ELK3: variants seen among roughly 807,000 people sequenced by gnomAD.
ELK3 encodes ETS transcription factor ELK3.
Under a neutral mutation model 28.9 loss-of-function variants are expected in ELK3, and 10 were observed. The observed-to-expected ratio is 0.35, with a 90% CI of 0.21 to 0.59. The LOEUF is 0.59. Among genes scored for constraint, ELK3 ranks in the 20% least tolerant of loss-of-function variants. The pLI is 0.82. For missense variants in ELK3, 463 were observed against 517.3 expected, an observed-to-expected ratio of 0.90 and a Z score of 1.02; for synonymous variants, 272 against 243.5, an observed-to-expected ratio of 1.12 and a Z score of -1.09.
At chr12:96,224,498 A>C (rs536157067) in intron 2 of ELK3, among the ~76,000 whole-genome samples, 1 of 152,352 alleles carries the variant, frequency 6.6e-6, no homozygotes, top group African/African-American at 2.4e-5. Context: ...GGTGCTTGCA[A>C]CTTCATGGGA....
At chr12:96,216,460 C>T (rs17025287) in intron 1 of ELK3, among the ~76,000 whole-genome samples, 3,029 of 152,298 alleles carry the variant, frequency 0.02, 103 homozygotes, top group African/African-American at 0.069. Flanking sequence ...GACTACAAAA[C>T]AGAAGCATAC....
At chr12:96,243,552 G>A (rs559309809) in intron 2 of ELK3, among the ~76,000 whole-genome samples, 112 of 152,028 alleles carry the variant, frequency 7.4e-4, no homozygotes, top group African/African-American at 2.0e-3. Flanking sequence ...GTGAAACCCC[G>A]TCTCTATAAA....
At chr12:96,199,808 A>G (rs184214406) in intron 1 of ELK3, among the ~76,000 whole-genome samples, 1 of 152,280 alleles carries the variant, frequency 6.6e-6, no homozygotes, top group East Asian at 1.9e-4. Flanking sequence ...TTTTTCTAAG[A>G]ATTAAATAAG....
chr12:96,211,525 G>T (rs370426609), intron 1 of ELK3, among the ~76,000 whole-genome samples: 4 of 150,730 alleles, frequency 2.7e-5, no homozygotes, highest in African/African-American at 9.8e-5. Flanking sequence ...GTGTGTGTGT[G>T]TATCAGTTTT....
chr12:96,243,807 C>T (rs1485615515), intron 2 of ELK3, among the ~76,000 whole-genome samples: 1 of 151,496 alleles, frequency 6.6e-6, no homozygotes, highest in Non-Finnish European at 1.5e-5. Flanking sequence ...CACACCACTG[C>T]ACTCTAGCCT....
intron 1 of ELK3, among the ~76,000 whole-genome samples, chr12:96,195,557 CT>C (rs1391260692): frequency 6.6e-6 from 1 of 152,088 alleles, no homozygotes; most frequent in East Asian, 1.9e-4. Context: ...GTTTTGTTAT[CT>C]TTTCTGAACC....
At chr12:96,259,906 T>C in intron 4 of ELK3, 53 bp downstream of exon 4, 1 of 1,528,542 alleles carries the variant, frequency 6.5e-7, no homozygotes, top group Non-Finnish European at 8.8e-7. Flanking sequence ...GGATGGTTTT[T>C]TCTCTAAATC....
chr12:96,233,929 A>G (rs1036168148), intron 2 of ELK3, among the ~76,000 whole-genome samples: 1 of 152,138 alleles, frequency 6.6e-6, no homozygotes, highest in Admixed American at 6.5e-5. Context: ...CATAGCAGCT[A>G]TTCAGATGGT....
chr12:96,247,158 G>A lies in ELK3; in HGVS notation c.426G>A (p.Leu142=), dbSNP rs750380483. The A allele has an allele frequency of 6.2e-7, 1 of 1,614,040 alleles. No individual in the cohort carries two copies. Among genetic ancestry groups the A allele is most frequent in the Admixed American group, 1.7e-5 (1 of 60,002 alleles). Residue 142 remains leucine (L), a synonymous_variant, in exon 3 of 5, where the codon CTG becomes CTA. Transcript: ENST00000228741. This position sits in a 1 kb window ranked among gnomAD's most constrained non-coding sequence, Gnocchi z 5.5. ...GCAACGAATACATCCACTCAGGCCTGTACTCGTCCTTCACCATTAATTCCC... is the reference window on the plus strand; with the variant it reads ...GCAACGAATACATCCACTCAGGCCTATACTCGTCCTTCACCATTAATTCCC... ...TSRNEYIHSG[L]YSSFTINSLQ...
intron 1 of ELK3, 145 bp downstream of exon 1, chr12:96,194,850 G>T (rs1444950327): frequency 2.1e-5 from 3 of 143,084 alleles, no homozygotes; most frequent in Non-Finnish European, 3.1e-5. Context: ...TGGGGGTGGC[G>T]GTGCGTCCGC....
chr12:96,240,995 C>T (rs1050410278), intron 2 of ELK3, among the ~76,000 whole-genome samples: 11 of 152,134 alleles, frequency 7.2e-5, no homozygotes, highest in Non-Finnish European at 4.4e-5. Context: ...TAAGCTCTCA[C>T]GGGAGGTGTG....
At chr12:96,259,999 C>T (rs934291344) in intron 4 of ELK3, 146 bp downstream of exon 4, 61 of 1,122,190 alleles carry the variant, frequency 5.4e-5, no homozygotes, top group African/African-American at 2.5e-4. Flanking sequence ...TGGGGTTGCA[C>T]GCCCTTCAGA....
At chr12:96,231,726 T>G (rs1251476929) in intron 2 of ELK3, among the ~76,000 whole-genome samples, 2 of 152,162 alleles carry the variant, frequency 1.3e-5, no homozygotes, top group East Asian at 3.9e-4. Flanking sequence ...TCAGGTGATC[T>G]GCTCGCCTCG....
intron 4 of ELK3, among the ~76,000 whole-genome samples, chr12:96,266,333 TCAA>T (rs1312218387): frequency 6.6e-6 from 1 of 152,334 alleles, no homozygotes; most frequent in East Asian, 1.9e-4. Context: ...CACATCATCC[TCAA>T]CAACGAAAAT....
intron 1 of ELK3, among the ~76,000 whole-genome samples, chr12:96,195,589 T>C (rs1383960047): frequency 6.6e-6 from 1 of 152,136 alleles, no homozygotes; most frequent in East Asian, 1.9e-4. Flanking sequence ...AGGGACAAGC[T>C]GCAGTTAGGC....
At chr12:96,202,359 TC>T (rs1565776330) in intron 1 of ELK3, among the ~76,000 whole-genome samples, 3 of 152,042 alleles carry the variant, frequency 2.0e-5, no homozygotes, top group Non-Finnish European at 2.9e-5. Context: ...GACAGAATTT[TC>T]CCCCCGACCC....
At chr12:96,207,502 A>G (rs1216541866) in intron 1 of ELK3, among the ~76,000 whole-genome samples, 1 of 152,228 alleles carries the variant, frequency 6.6e-6, no homozygotes, top group Admixed American at 6.5e-5. Context: ...ACCATACCAG[A>G]TTTATGTATA....
chr12:96,247,701 G>A lies in ELK3; in HGVS notation c.969G>A (p.Ser323=), dbSNP rs372405502. 4 of 1,601,590 alleles carry A rather than the reference G, an allele frequency of 2.5e-6. No homozygotes were observed. The highest frequency in any genetic ancestry group is 2.6e-6 in the Non-Finnish European group (3 of 1,174,520). The change falls in exon 3 of 5, where the codon TCG becomes TCA. Residue 323 remains serine (S), a synonymous_variant. Coordinates refer to ENST00000228741, the MANE Select transcript of ELK3 (RefSeq NM_005230.4). This position sits in a 1 kb window ranked among gnomAD's most constrained non-coding sequence, Gnocchi z 5.5. The stretch of plus-strand genomic sequence containing the variant: ...CCCTCAACAGCCCAGCCCTCCCCTC[G>A]GGATCCCTCACCCCAGCCTTCTTCA... ...SIALNSPALP[S]GSLTPAFFTA... is the part of the protein sequence containing the mutation.
intron 2 of ELK3, among the ~76,000 whole-genome samples, chr12:96,245,558 A>T (rs557219411): frequency 6.6e-6 from 1 of 152,102 alleles, no homozygotes; most frequent in Non-Finnish European, 1.5e-5. Flanking sequence ...TTCTACTTGA[A>T]ATGATCTTTT....
Sources: allele counts gnomAD v4.1 joint callset (sites outside exome capture counted in the v4.1 genomes callset), GRCh38; gene constraint gnomAD v4.1.1; non-coding constraint Gnocchi (gnomAD v3.1); transcripts MANE v1.5; gene names NCBI Gene and HGNC (gene_info 2026-07-23, HGNC 2026-07-21).